The following IQSEC1 variants were observed in gnomAD, a reference collection of about 807,000 sequenced individuals.
IQSEC1 encodes the protein IQ motif and Sec7 domain ArfGEF 1.
Under a neutral mutation model 91.0 loss-of-function variants are expected in IQSEC1, and 31 were observed. The observed-to-expected ratio is 0.34, with a 90% CI of 0.26 to 0.46. IQSEC1 has a LOEUF of 0.46. Ranked by LOEUF, IQSEC1 falls within the 20% of genes least tolerant of loss-of-function variation. The pLI is 1.00. For synonymous variants in IQSEC1, 699 were observed against 662.6 expected (o/e 1.05, Z -0.84); for missense variants, 1,388 against 1,575.6 (o/e 0.88, Z 2.02).
At chr3:13,126,729 G>T (rs1706518518) in intron 2 of IQSEC1, among the ~76,000 whole-genome samples, 1 of 152,200 alleles carries the variant, frequency 6.6e-6, no homozygotes, top group Admixed American at 6.5e-5. Context: ...TCAGCATGTA[G>T]TAGTATGCCA....
chr3:13,053,835 T>C (rs1704782884), intron 1 of IQSEC1, among the ~76,000 whole-genome samples: 1 of 152,190 alleles, frequency 6.6e-6, no homozygotes, highest in South Asian at 2.1e-4. Flanking sequence ...TCACATATAT[T>C]CACTGTACTA....
chr3:12,937,757 T>G (rs1351992291), intron 2 of IQSEC1, among the ~76,000 whole-genome samples: 1 of 152,182 alleles, frequency 6.6e-6, no homozygotes, highest in Non-Finnish European at 1.5e-5. Context: ...GGGAAGGGAT[T>G]TACAGTTCGT....
intron 1 of IQSEC1, among the ~76,000 whole-genome samples, chr3:13,277,519 G>A (rs1468131854): frequency 6.6e-6 from 1 of 152,180 alleles, no homozygotes; most frequent in African/African-American, 2.4e-5. Context: ...GAGCTTCGGA[G>A]ACACACTCCC....
intron 1 of IQSEC1, among the ~76,000 whole-genome samples, chr3:13,281,737 A>C (rs905691784): frequency 1.3e-5 from 2 of 152,224 alleles, no homozygotes; most frequent in Admixed American, 1.3e-4. Context: ...GCCGCCCAGC[A>C]GGAAGACTGT....
At chr3:12,918,626 G>A (rs1229008523) in intron 6 of IQSEC1, among the ~76,000 whole-genome samples, 2 of 152,146 alleles carry the variant, frequency 1.3e-5, no homozygotes, top group Non-Finnish European at 2.9e-5. Context: ...AGACCAGCCT[G>A]GGCAACATAG....
At position 12,967,183 on chromosome 3, in the gene IQSEC1, C is replaced by A. The variant is rs1410356988; in HGVS notation, c.24-25318G>T. ...CCCAAGGGCGCGTCTCTCTCTCCCA[C>A]GCACAAACTCGGGTCCTGTTTGCTC... On this transcript the variant is annotated intron_variant, in intron 1 of 13. Coordinates refer to ENST00000613206, the MANE Select transcript of IQSEC1 (RefSeq NM_001134382.3). The surrounding 1 kb of genome is among the most constrained non-coding windows in gnomAD (Gnocchi z 5.9). 6.6e-6 allele frequency among the ~76,000 whole-genome samples: 1 copy of A among 152,216 alleles called. No individual in the cohort carries two copies. The highest frequency in any genetic ancestry group is 1.5e-5 in the Non-Finnish European group (1 of 68,036).
intron 2 of IQSEC1, among the ~76,000 whole-genome samples, chr3:13,087,168 G>T (rs1178723436): frequency 1.3e-5 from 2 of 152,198 alleles, no homozygotes; most frequent in Non-Finnish European, 2.9e-5. Flanking sequence ...TCTACACTGG[G>T]TAATTACTTT....
intron 1 of IQSEC1, among the ~76,000 whole-genome samples, chr3:13,218,781 G>C (rs1177952783): frequency 6.6e-6 from 1 of 152,134 alleles, no homozygotes; most frequent in Non-Finnish European, 1.5e-5. Flanking sequence ...TCTTGAGTGA[G>C]GGTGGCCTGA....
At chr3:12,934,667 T>C (rs1183347516) in intron 3 of IQSEC1, among the ~76,000 whole-genome samples, 1 of 152,180 alleles carries the variant, frequency 6.6e-6, no homozygotes, top group Non-Finnish European at 1.5e-5. Context: ...GACAGGAGCC[T>C]GCACGTTCCC....
chr3:13,026,864 G>GCTTTTTTTTTTTTTTTTTTTT lies in IQSEC1; in HGVS notation c.23+46127_23+46128insAAAAAAAAAAAAAAAAAAAAG, dbSNP rs370534423. Among the ~76,000 whole-genome samples, 2 of 90,864 alleles carry GCTTTTTTTTTTTTTTTTTTTT rather than the reference G, an allele frequency of 2.2e-5. 1 individual carries two copies. Among genetic ancestry groups the GCTTTTTTTTTTTTTTTTTTTT allele is most frequent in the African/African-American group, 6.7e-5 (2 of 29,786 alleles). 59.6% of individuals were successfully genotyped at this position (90,864 alleles called of 152,430 possible). A position where few individuals can be genotyped will look rare whatever the true frequency, so the allele number is the denominator to read the frequency against. On this transcript the variant is annotated intron_variant, in intron 1 of 13. Coordinates refer to ENST00000613206, the MANE Select transcript of IQSEC1 (RefSeq NM_001134382.3). ...TGAAGTAGCAGTTATTATCTCCCCA[G>GCTTTTTTTTTTTTTTTTTTTT]TTTTTTTTTTTTTTGTTTGTTTTTT...
At chr3:13,205,227 C>G (rs114973923) in intron 1 of IQSEC1, among the ~76,000 whole-genome samples, 1 of 152,080 alleles carries the variant, frequency 6.6e-6, no homozygotes, top group Non-Finnish European at 1.5e-5. Flanking sequence ...AGCAAGCCGA[C>G]GTGTTCATGT....
chr3:13,203,625 G>GA, intron 1 of IQSEC1, among the ~76,000 whole-genome samples: 1 of 152,162 alleles, frequency 6.6e-6, no homozygotes, highest in East Asian at 1.9e-4. Flanking sequence ...ACCAGCAGCC[G>GA]AAACACTGCG....
chr3:13,083,865 G>A (rs1418953550), intron 2 of IQSEC1, among the ~76,000 whole-genome samples: 2 of 152,260 alleles, frequency 1.3e-5, no homozygotes, highest in African/African-American at 2.4e-5. Flanking sequence ...CGAGCTCAGC[G>A]ACTATTTGTT....
chr3:13,197,187 G>A (rs112855668), intron 1 of IQSEC1, among the ~76,000 whole-genome samples: 10 of 152,332 alleles, frequency 6.6e-5, no homozygotes, highest in African/African-American at 2.2e-4. Flanking sequence ...CCTACGGAAG[G>A]TCAGGGATGC....
rs761827844 is a variant in IQSEC1 at position 12,908,357 on chromosome 3, G to A, written c.2747C>T (p.Ser916Leu). The A allele has an allele frequency of 1.9e-6, 3 of 1,611,590 alleles. No homozygotes were observed. The highest frequency in any genetic ancestry group is 2.5e-6 in the Non-Finnish European group (3 of 1,179,942). ...SALSSSLRDLSEAGKRGRRSS... is the reference protein window; with the variant it reads ...SALSSSLRDLLEAGKRGRRSS... ...CTAGGCCAAGCTCTTACCGGCTTCC[G>A]AGAGGTCCCGCAGGGAGCTGCTGAG... The change falls in exon 12 of 14, where the codon TCG (serine) becomes TTG (leucine). Residue 916 changes from serine to leucine, a missense_variant. Ser to Leu is a moderately radical substitution (Grantham distance 145). Around this residue, in one of 2 missense-constraint regions of IQSEC1, gnomAD observed 1,059 missense variants for 1,317.8 expected, o/e 0.80. Coordinates refer to ENST00000613206, the MANE Select transcript of IQSEC1 (RefSeq NM_001134382.3). The surrounding 1 kb of genome is among the most constrained non-coding windows in gnomAD (Gnocchi z 4.9).
chr3:13,087,733 C>T (rs1174389175), intron 2 of IQSEC1, among the ~76,000 whole-genome samples: 4 of 152,146 alleles, frequency 2.6e-5, no homozygotes, highest in African/African-American at 9.7e-5. Context: ...ATGTATTACT[C>T]ACAGAGACTT....
At chr3:13,265,406 CCTCAAACTCTGAGGT>C (rs1170989694) in intron 1 of IQSEC1, among the ~76,000 whole-genome samples, 4 of 152,360 alleles carry the variant, frequency 2.6e-5, no homozygotes, top group Non-Finnish European at 4.4e-5. Context: ...ACCCCCACTC[CCTCAAACTCTGAGGT>C]CTCAGGCTCC....
At chr3:13,039,462 C>T (rs777625024) in intron 1 of IQSEC1, among the ~76,000 whole-genome samples, 4 of 152,204 alleles carry the variant, frequency 2.6e-5, no homozygotes, top group Non-Finnish European at 5.9e-5. Context: ...TTTGGGATCG[C>T]CGTTTTAAAC....
At position 12,902,790 on chromosome 3, in the gene IQSEC1, G is replaced by A. The variant is rs746437492; in HGVS notation, c.2788C>T (p.Leu930=). 6.2e-7 allele frequency: 1 copy of A among 1,611,196 alleles called. No individual in the cohort carries two copies. The highest frequency in any genetic ancestry group is 1.7e-5 in the Admixed American group (1 of 59,872). Residue 930 remains leucine (L), a synonymous_variant, in exon 13 of 14, where the codon CTA becomes TTA. Transcript: ENST00000613206. ...KRGRRSSAGS[L]ESNVEGSIIS... is the part of the protein sequence containing the mutation. The stretch of plus-strand genomic sequence containing the variant: ...CTACTTACTTCCACATTGCTCTCTA[G>A]CGATCCCGCACTGCTGCGACGCCCT...
Sources: gnomAD v4.1 joint callset for allele counts (sites outside exome capture counted in the v4.1 genomes callset) on GRCh38, gnomAD v4.1.1 for gene constraint, gnomAD v4.1.1 regional missense constraint, Gnocchi (gnomAD v3.1) non-coding constraint, MANE v1.5 for transcripts, NCBI Gene and HGNC (gene_info 2026-07-23, HGNC 2026-07-21) for gene names.